The following CAMK1D variants were observed in gnomAD, a reference collection of about 807,000 sequenced individuals.
CAMK1D encodes calcium/calmodulin dependent protein kinase ID.
In CAMK1D, 9 loss-of-function variants were observed where a neutral mutation model predicts 47.7. The ratio of observed to expected loss-of-function variants is 0.19; its 90% CI spans 0.11 to 0.33. The LOEUF is 0.33. CAMK1D is among the 10% of genes least tolerant of loss of function. The probability of loss-of-function intolerance (pLI) is 1.00; values close to 1 mark genes in which losing one functional copy is unlikely to be tolerated. For synonymous variants in CAMK1D, 184 were observed against 184.9 expected, an observed-to-expected ratio of 0.99 and a Z score of 0.04; for missense variants, 291 against 488.7, an observed-to-expected ratio of 0.60 and a Z score of 3.81.
chr10:12,517,146 T>G lies in CAMK1D; in HGVS notation c.93-36079T>G, dbSNP rs1271490749. Reference sequence around the variant, plus strand: ...AAGCATTTTATTTTTGCAGCTGTTGTGAATAGTATTATTTTTAAAATTTTT... The same window carrying G: ...AAGCATTTTATTTTTGCAGCTGTTGGGAATAGTATTATTTTTAAAATTTTT... On this transcript the variant is annotated intron_variant, in intron 1 of 10. Transcript: ENST00000619168. 2.0e-5 allele frequency among the ~76,000 whole-genome samples: 3 copies of G among 152,362 alleles called. No individual in the cohort carries two copies. In the East Asian group the frequency reaches 5.8e-4, roughly 29 times the overall value.
intron 2 of CAMK1D, among the ~76,000 whole-genome samples, chr10:12,606,101 C>T (rs1053941942): frequency 2.6e-5 from 4 of 152,224 alleles, no homozygotes; most frequent in Admixed American, 2.6e-4. Flanking sequence ...ACAGCCACGC[C>T]GCTTGGAGTT....
chr10:12,630,614 T>A lies in CAMK1D; in HGVS notation c.225-36122T>A, dbSNP rs530296531. ...TATTTTATTTTCTAGAAATGAGGTC[T>A]CACTATGTTGCCCTGGCTGTTCTTG... On this transcript the variant is annotated intron_variant, in intron 2 of 10. Transcript: ENST00000619168. Among the ~76,000 whole-genome samples the A allele has an allele frequency of 3.3e-5, 5 of 152,286 alleles. No individual in the cohort carries two copies. The South Asian group carries it at 8.3e-4, about 25-fold the overall frequency.
At chr10:12,595,341 T>TAAAAAA (rs1244575818) in intron 2 of CAMK1D, among the ~76,000 whole-genome samples, 2 of 144 alleles carry the variant, frequency 0.014, no homozygotes, top group Non-Finnish European at 0.012. Flanking sequence ...AAACTCCATC[T>TAAAAAA]GAAAAAAAAA....
chr10:12,476,645 A>G (rs925382322), intron 1 of CAMK1D, among the ~76,000 whole-genome samples: 1 of 152,176 alleles, frequency 6.6e-6, no homozygotes, highest in Non-Finnish European at 1.5e-5. Flanking sequence ...GGGGAGGGTC[A>G]TATGTTCCTG....
Position 12,732,679 on chromosome 10 carries a change from G to GCCCCA in CAMK1D, c.300-28265_300-28264insACCCC, listed in dbSNP as rs1554818055. Among the ~76,000 whole-genome samples, 277 of 60,100 alleles carry GCCCCA rather than the reference G, an allele frequency of 4.6e-3. 3 individuals carry two copies. The East Asian group carries it at 0.13, about 29-fold the overall frequency. The allele number at this position is 60,100 out of a possible 152,430, so 39.4% of individuals were successfully genotyped here. ...TTATTCAATTACCCCCGCCCCCCCC[G>GCCCCA]CCCCCTGTCCCTCCCACAACACATG... On this transcript the variant is annotated intron_variant, in intron 3 of 10. Transcript: ENST00000619168.
At chr10:12,684,992 C>T (rs370194532) in intron 3 of CAMK1D, among the ~76,000 whole-genome samples, 3 of 152,226 alleles carry the variant, frequency 2.0e-5, no homozygotes, top group African/African-American at 7.2e-5. Flanking sequence ...AGAGTTAAGC[C>T]TTGTTTTCCA....
At chr10:12,446,189 G>T (rs188208209) in intron 1 of CAMK1D, among the ~76,000 whole-genome samples, 16 of 152,288 alleles carry the variant, frequency 1.1e-4, no homozygotes, top group African/African-American at 3.6e-4. Flanking sequence ...AGAGTAAAGT[G>T]CAAGCAAGTT....
chr10:12,423,654 C>T (rs1440498391), intron 1 of CAMK1D, among the ~76,000 whole-genome samples: 1 of 152,198 alleles, frequency 6.6e-6, no homozygotes, highest in Non-Finnish European at 1.5e-5. Flanking sequence ...GAAGCGTCAG[C>T]GGCAGAAATT....
At chr10:12,473,503 G>A (rs1833811117) in intron 1 of CAMK1D, among the ~76,000 whole-genome samples, 1 of 152,170 alleles carries the variant, frequency 6.6e-6, no homozygotes, top group South Asian at 2.1e-4. Flanking sequence ...GTATTGTCTG[G>A]TATTTCGTAG....
At chr10:12,547,710 T>G (rs889352079) in intron 1 of CAMK1D, among the ~76,000 whole-genome samples, 3 of 120,662 alleles carry the variant, frequency 2.5e-5, no homozygotes, top group Non-Finnish European at 5.0e-5. Flanking sequence ...ACCACTGTGT[T>G]ATGTAATTAC....
At chr10:12,806,003 C>G (rs915619436) in intron 6 of CAMK1D, among the ~76,000 whole-genome samples, 2 of 152,168 alleles carry the variant, frequency 1.3e-5, no homozygotes, top group African/African-American at 4.8e-5. Flanking sequence ...GGGGCCTGCC[C>G]TGGCCGGGTG....
intron 1 of CAMK1D, among the ~76,000 whole-genome samples, chr10:12,515,551 A>C (rs1835179872): frequency 7.5e-6 from 1 of 132,580 alleles, no homozygotes; most frequent in Admixed American, 7.5e-5. Context: ...TATATCTCCC[A>C]ATGCTATCCC....
At chr10:12,657,536 G>T (rs7905330) in intron 2 of CAMK1D, among the ~76,000 whole-genome samples, 80,446 of 151,996 alleles carry the variant, frequency 0.53, 21,655 homozygotes, top group Non-Finnish European at 0.56. Flanking sequence ...AGAATGAAGC[G>T]CTAATGCTTA....
chr10:12,718,473 A>T (rs1055513225), intron 3 of CAMK1D, among the ~76,000 whole-genome samples: 4 of 152,208 alleles, frequency 2.6e-5, no homozygotes, highest in African/African-American at 9.7e-5. Context: ...GGCTAAAAGG[A>T]TTTTAATTAG....
intron 2 of CAMK1D, among the ~76,000 whole-genome samples, chr10:12,563,436 C>T (rs879001431): frequency 6.6e-6 from 1 of 152,192 alleles, no homozygotes; most frequent in Non-Finnish European, 1.5e-5. Context: ...TGAACATACC[C>T]GCTTACACGG....
chr10:12,793,598 T>C (rs1838074520), intron 6 of CAMK1D, among the ~76,000 whole-genome samples: 1 of 152,226 alleles, frequency 6.6e-6, no homozygotes, highest in Admixed American at 6.5e-5. Flanking sequence ...CGTTTCCTGG[T>C]GAGGGCTCTT....
At chr10:12,474,501 G>T (rs1463637632) in intron 1 of CAMK1D, among the ~76,000 whole-genome samples, 1 of 151,964 alleles carries the variant, frequency 6.6e-6, no homozygotes, top group African/African-American at 2.4e-5. Context: ...CCCGAGGATG[G>T]TTCTTTAACC....
At chr10:12,452,670 C>T (rs1037826594) in intron 1 of CAMK1D, among the ~76,000 whole-genome samples, 1 of 151,922 alleles carries the variant, frequency 6.6e-6, no homozygotes, top group Non-Finnish European at 1.5e-5. Context: ...ACTGCAACCT[C>T]CGCCTCCTGG....
chr10:12,695,623 A>G (rs1833260212), intron 3 of CAMK1D, among the ~76,000 whole-genome samples: 2 of 152,186 alleles, frequency 1.3e-5, no homozygotes, highest in South Asian at 4.1e-4. Context: ...CAGTGCCGTG[A>G]AAAAGTGCCC....
Sources: gnomAD v4.1 joint callset for allele counts (sites outside exome capture counted in the v4.1 genomes callset) on GRCh38, gnomAD v4.1.1 for gene constraint, MANE v1.5 for transcripts, NCBI Gene and HGNC (gene_info 2026-07-23, HGNC 2026-07-21) for gene names.